The following ZNF717 variants were observed in gnomAD, a reference collection of about 807,000 sequenced individuals.
ZNF717 encodes the protein krueppel-like factor X17.
ZNF717 carries 9 observed loss-of-function variants against 13.8 expected under a neutral mutation model. The observed-to-expected ratio is 0.65, with a 90% confidence interval of 0.39 to 1.14. ZNF717 has a LOEUF of 1.14. Ranked by LOEUF, ZNF717 falls within the 50% of genes most tolerant of loss-of-function variation. The pLI, the probability that ZNF717 is intolerant of heterozygous loss-of-function variation, is 0.01. For synonymous variants in ZNF717, 327 were observed against 364.1 expected, an observed-to-expected ratio of 0.90 and a Z score of 1.16; for missense variants, 1,040 against 1,080.7, an observed-to-expected ratio of 0.96 and a Z score of 0.53.
At chr3:75,719,375 T>C (rs1938125389) in intron 4 of ZNF717, among the ~76,000 whole-genome samples, 1 of 152,234 alleles carries the variant, frequency 6.6e-6, no homozygotes, top group African/African-American at 2.4e-5. Context: ...AAGAAACTAA[T>C]GTATAACCTA....
downstream of ZNF717, among the ~76,000 whole-genome samples, chr3:75,727,032 G>C (rs1402902059): frequency 6.6e-6 from 1 of 152,220 alleles, no homozygotes; most frequent in African/African-American, 2.4e-5. Context: ...CCCAAATGGA[G>C]GGACTGGCTG....
At position 75,736,548 on chromosome 3, in the gene ZNF717, T is replaced by A. The variant is rs1272933587; in HGVS notation, c.*330A>T. 261 of 281,436 alleles carry A rather than the reference T, an allele frequency of 9.3e-4. No individual in the cohort carries two copies. Among genetic ancestry groups the A allele is most frequent in the South Asian group, 2.9e-3 (28 of 9,520 alleles). 17.4% of individuals were successfully genotyped at this position (281,436 alleles called of 1,614,324 possible). On this transcript the variant is annotated 3_prime_UTR_variant, in exon 5 of 5. Transcript: ENST00000652011. ...GATCAAACCAGCCCCAACATTCCCT[T>A]GAGACAAAGCCTAATCCTGAGAAAG...
chr3:75,757,230 T>C (rs1013413417), intron 2 of ZNF717, among the ~76,000 whole-genome samples: 5 of 152,216 alleles, frequency 3.3e-5, no homozygotes, highest in Non-Finnish European at 5.9e-5. Flanking sequence ...CCATCTAGGA[T>C]ATTCCCAGCT....
In ZNF717 at chr3:75,738,940, T is replaced by A; in HGVS notation, c.683A>T (p.Lys228Met). 2 of 1,551,520 alleles carry A rather than the reference T, an allele frequency of 1.3e-6. No individual in the cohort carries two copies. Among genetic ancestry groups the A allele is most frequent in the East Asian group, 4.9e-5 (2 of 40,918 alleles). ...FNTEAMFFIHKRVHIVQTFGK... is the reference protein window; with the variant it reads ...FNTEAMFFIHMRVHIVQTFGK... ...AAAGGTCTGTACTATATGAACCCTC[T>A]TATGTATAAAGAACATTGCCTCCGT... The change falls in exon 5 of 5, where the codon AAG becomes ATG. Residue 228 changes from lysine to methionine, a missense_variant. Physicochemically the swap from Lys to Met is moderately conservative, Grantham distance 95 (BLOSUM62 -1). This residue lies in a region of ZNF717 where 873 missense variants were observed against 832.8 expected (regional missense o/e 1.05). Transcript: ENST00000652011.
intron 2 of ZNF717, among the ~76,000 whole-genome samples, chr3:75,762,514 C>A (rs1166231587): frequency 1.3e-5 from 2 of 150,956 alleles, no homozygotes; most frequent in Non-Finnish European, 2.9e-5. Context: ...ACCAAGAGGG[C>A]AAAAGATTTG....
intron 2 of ZNF717, among the ~76,000 whole-genome samples, chr3:75,769,967 C>A (rs1349129472): frequency 6.6e-6 from 1 of 152,104 alleles, no homozygotes; most frequent in Admixed American, 6.5e-5. Context: ...TTTATATAAA[C>A]AAGAGGTAGA....
chr3:75,735,380 G>A (rs1303930597), downstream of ZNF717, among the ~76,000 whole-genome samples: 3 of 152,062 alleles, frequency 2.0e-5, no homozygotes, highest in Non-Finnish European at 4.4e-5. Flanking sequence ...GCCAGGTATA[G>A]TGGCTCTTGC....
intron 4 of ZNF717, among the ~76,000 whole-genome samples, chr3:75,723,072 T>C (rs1056692245): frequency 5.9e-5 from 9 of 152,148 alleles, no homozygotes; most frequent in African/African-American, 1.9e-4. Flanking sequence ...TGATACACTT[T>C]ATTACAAAAT....
downstream of ZNF717, among the ~76,000 whole-genome samples, chr3:75,735,635 TAAAAA>T (rs149366090): frequency 2.5e-5 from 2 of 79,842 alleles, no homozygotes; most frequent in South Asian, 5.9e-4. Flanking sequence ...ACTGTCTCAA[TAAAAA>T]AAAAAAAAAA....
At chr3:75,699,156 A>T in intron 6 of ZNF717, among the ~76,000 whole-genome samples, 1 of 152,428 alleles carries the variant, frequency 6.6e-6, no homozygotes, top group Non-Finnish European at 1.5e-5. Context: ...CCACTGCCCC[A>T]TTTGTATCTT....
chr3:75,723,362 G>A (rs113725010), intron 4 of ZNF717, among the ~76,000 whole-genome samples: 2 of 142,980 alleles, frequency 1.4e-5, no homozygotes, highest in African/African-American at 2.6e-5. Context: ...TGATCCTCCC[G>A]CCTCAGCCTC....
intron 2 of ZNF717, among the ~76,000 whole-genome samples, chr3:75,747,444 C>G (rs1422580585): frequency 6.6e-6 from 1 of 152,032 alleles, no homozygotes; most frequent in East Asian, 1.9e-4. Context: ...TATAAATTAC[C>G]TTGGGCAGTA....
chr3:75,775,900 G>T (rs1321048837), intron 2 of ZNF717, among the ~76,000 whole-genome samples: 2 of 151,634 alleles, frequency 1.3e-5, no homozygotes, highest in South Asian at 2.1e-4. Context: ...AAGACCAACT[G>T]GTTTATAAAA....
At position 75,737,632 on chromosome 3, in the gene ZNF717, A is replaced by G. The variant is rs1270636484; in HGVS notation, c.1991T>C (p.Ile664Thr). 6.5e-7 allele frequency: 1 copy of G among 1,544,522 alleles called. No homozygotes were observed. Among genetic ancestry groups the G allele is most frequent in the South Asian group, 1.2e-5 (1 of 83,706 alleles). Residue 664 changes from isoleucine to threonine, a missense_variant, in exon 5 of 5, where the codon ATA becomes ACA. Around this residue, in one of 3 missense-constraint regions of ZNF717, gnomAD observed 873 missense variants for 832.8 expected, o/e 1.05. Transcript: ENST00000652011. ...TTTCCCCGTGTGAGTTCTCTGGTGT[A>G]TGGTGAGGAATGACTTGCGATGAAA... is the stretch of plus-strand genomic sequence containing the variant. ...KTFHRKSFLTIHQRTHTGKNR... is the reference protein window; with the variant it reads ...KTFHRKSFLTTHQRTHTGKNR...
chr3:75,715,514 C>T (rs113056912), intron 5 of ZNF717, among the ~76,000 whole-genome samples: 2 of 152,146 alleles, frequency 1.3e-5, no homozygotes, highest in Non-Finnish European at 2.9e-5. Context: ...AGTTATTTTT[C>T]TCTTATATTA....
At chr3:75,762,824 G>A (rs1179934823) in intron 2 of ZNF717, among the ~76,000 whole-genome samples, 1 of 152,042 alleles carries the variant, frequency 6.6e-6, no homozygotes, top group African/African-American at 2.4e-5. Flanking sequence ...AAAAAATGTA[G>A]TCATGACATA....
intron 2 of ZNF717, among the ~76,000 whole-genome samples, chr3:75,757,678 T>G (rs951091534): frequency 6.6e-6 from 1 of 152,168 alleles, no homozygotes; most frequent in African/African-American, 2.4e-5. Context: ...AAAAATATAT[T>G]TCATAAAGCT....
At chr3:75,734,970 C>T (rs1460368349), downstream of ZNF717, among the ~76,000 whole-genome samples, 2 of 151,790 alleles carry the variant, frequency 1.3e-5, no homozygotes, top group East Asian at 1.9e-4. Flanking sequence ...GGACTACAGG[C>T]GTGTGCCACC....
intron 2 of ZNF717, among the ~76,000 whole-genome samples, chr3:75,777,089 CAGCCATCTCTAA>C (rs1424152610): frequency 6.6e-6 from 1 of 152,180 alleles, no homozygotes; most frequent in African/African-American, 2.4e-5. Flanking sequence ...AGTTTGCATG[CAGCCATCTCTAA>C]AATGTCAAAT....
Sources: allele counts gnomAD v4.1 joint callset (sites outside exome capture counted in the v4.1 genomes callset), GRCh38; gene constraint gnomAD v4.1.1; regional missense constraint gnomAD v4.1.1; transcripts MANE v1.5; gene names NCBI Gene and HGNC (gene_info 2026-07-23, HGNC 2026-07-21).